The following NCOA1 variants were observed in gnomAD, a reference collection of about 807,000 sequenced individuals.
The protein encoded by NCOA1 is nuclear receptor coactivator 1.
In NCOA1, 35 loss-of-function variants were observed where a neutral mutation model predicts 150.9. The ratio of observed to expected loss-of-function variants is 0.23; its 90% CI spans 0.18 to 0.31. The LOEUF (loss-of-function observed/expected upper bound fraction) is 0.31, where lower values mean the gene tolerates loss of function less well. Among genes scored for constraint, NCOA1 ranks in the 10% least tolerant of loss-of-function variants. The pLI is 1.00. For missense variants in NCOA1, 1,491 were observed against 1,749.3 expected (o/e 0.85, Z 2.63); for synonymous variants, 590 against 630.0 (o/e 0.94, Z 0.95).
At chr2:24,655,514 A>G (rs1271947676) in intron 4 of NCOA1, among the ~76,000 whole-genome samples, 3 of 152,206 alleles carry the variant, frequency 2.0e-5, no homozygotes, top group Non-Finnish European at 1.5e-5. Flanking sequence ...AGGTGAGAGC[A>G]GATGCAAACT....
At chr2:24,577,764 T>C (rs2148299255) in intron 2 of NCOA1, among the ~76,000 whole-genome samples, 1 of 152,352 alleles carries the variant, frequency 6.6e-6, no homozygotes, top group South Asian at 2.1e-4. Context: ...TTCTATGATC[T>C]GTTTTGAGAG....
chr2:24,769,246 G>A lies in NCOA1; in HGVS notation c.*855G>A, dbSNP rs1298322481. 1 of 189,328 alleles carries A rather than the reference G, an allele frequency of 5.3e-6. No homozygotes were observed. Among genetic ancestry groups the A allele is most frequent in the Non-Finnish European group, 1.1e-5 (1 of 89,874 alleles). The allele number at this position is 189,328 out of a possible 1,614,324, so 11.7% of individuals were successfully genotyped here. On this transcript the variant is annotated 3_prime_UTR_variant, in exon 23 of 23. Transcript: ENST00000348332. ...AAATAAAATTAAATTTATGATCCAA[G>A]TAGCTTATTTTTCCCTTTAAATCTC...
At chr2:24,680,567 G>A (rs560818559) in intron 7 of NCOA1, among the ~76,000 whole-genome samples, 3 of 152,258 alleles carry the variant, frequency 2.0e-5, no homozygotes, top group South Asian at 2.1e-4. Flanking sequence ...CAGGGGCTGC[G>A]TGAAGGGTTG....
chr2:24,707,583 TTGTC>T lies in NCOA1; in HGVS notation c.2118_2121del (p.Val707SerfsTer14). ...GGGTAGCCCCTCAGATATCACCACT[TTGTC>T]TGTCGAGCCTGATAAAAAGGACAGT... On this transcript the variant is annotated frameshift_variant, in exon 13 of 23. Coordinates refer to ENST00000348332, the MANE Select transcript of NCOA1 (RefSeq NM_003743.5). LOFTEE classifies it high-confidence loss of function. The T allele has an allele frequency of 6.2e-7, 1 of 1,614,182 alleles. No individual in the cohort carries two copies. The highest frequency in any genetic ancestry group is 8.5e-7 in the Non-Finnish European group (1 of 1,180,028).
intron 1 of NCOA1, among the ~76,000 whole-genome samples, chr2:24,541,209 A>G (rs1474245488): frequency 6.6e-6 from 1 of 152,222 alleles, no homozygotes; most frequent in African/African-American, 2.4e-5. Flanking sequence ...GAATGAATAT[A>G]CTGTGAGACA....
intron 17 of NCOA1, among the ~76,000 whole-genome samples, chr2:24,735,549 T>G (rs969825795): frequency 1.3e-5 from 2 of 152,046 alleles, no homozygotes; most frequent in East Asian, 3.8e-4. Context: ...TAAATAGATA[T>G]CATTTATTGG....
chr2:24,640,603 C>T (rs148488709), intron 3 of NCOA1, among the ~76,000 whole-genome samples: 1 of 152,094 alleles, frequency 6.6e-6, no homozygotes. Flanking sequence ...AGCCTGGGAG[C>T]TCAAGACCAG....
chr2:24,726,102 A>G (rs369005629), intron 14 of NCOA1, among the ~76,000 whole-genome samples: 11 of 152,112 alleles, frequency 7.2e-5, no homozygotes, highest in Non-Finnish European at 1.3e-4. Context: ...TTGTACAGCT[A>G]TATTCTAAGA....
intron 4 of NCOA1, among the ~76,000 whole-genome samples, chr2:24,655,905 G>A (rs1326222190): frequency 6.6e-6 from 1 of 151,876 alleles, no homozygotes; most frequent in Non-Finnish European, 1.5e-5. Context: ...TGGCTAACAT[G>A]GTGAAACCCC....
intron 14 of NCOA1, among the ~76,000 whole-genome samples, chr2:24,717,626 T>C (rs752490966): frequency 2.0e-5 from 3 of 151,872 alleles, no homozygotes; most frequent in Non-Finnish European, 4.4e-5. Context: ...ATATAAATCA[T>C]GTGTATGCAA....
chr2:24,667,287 A>G (rs1249084758), intron 6 of NCOA1, among the ~76,000 whole-genome samples: 2 of 151,982 alleles, frequency 1.3e-5, no homozygotes, highest in Admixed American at 6.5e-5. Flanking sequence ...CCTACTCCCT[A>G]AATTGGGGGT....
At chr2:24,605,391 GTTT>G in intron 3 of NCOA1, among the ~76,000 whole-genome samples, 1 of 152,228 alleles carries the variant, frequency 6.6e-6, no homozygotes, top group East Asian at 1.9e-4. Flanking sequence ...TACCTCTTAA[GTTT>G]TTAAAAATTT....
At chr2:24,590,101 A>G (rs986108779) in intron 3 of NCOA1, among the ~76,000 whole-genome samples, 1 of 152,218 alleles carries the variant, frequency 6.6e-6, no homozygotes, top group Non-Finnish European at 1.5e-5. Flanking sequence ...TGGGAAAACC[A>G]GACTTTCAAA....
chr2:24,546,459 T>C (rs1665609318), intron 1 of NCOA1, among the ~76,000 whole-genome samples: 1 of 152,260 alleles, frequency 6.6e-6, no homozygotes, highest in Admixed American at 6.5e-5. Flanking sequence ...TCTAAAATTT[T>C]CTAAAATTAT....
intron 1 of NCOA1, among the ~76,000 whole-genome samples, chr2:24,523,888 G>A (rs1319294906): frequency 1.6e-5 from 2 of 124,890 alleles, no homozygotes; most frequent in Non-Finnish European, 3.2e-5. Flanking sequence ...ATCGTGCCAC[G>A]GCACTCCAGC....
intron 22 of NCOA1, among the ~76,000 whole-genome samples, chr2:24,766,103 T>G (rs1665051804): frequency 6.6e-6 from 1 of 151,990 alleles, no homozygotes; most frequent in Admixed American, 6.6e-5. Flanking sequence ...TCTCACTATG[T>G]TGCCCAGGCT....
intron 1 of NCOA1, among the ~76,000 whole-genome samples, chr2:24,560,321 T>C (rs1005403339): frequency 6.6e-6 from 1 of 152,020 alleles, no homozygotes; most frequent in Non-Finnish European, 1.5e-5. Flanking sequence ...CTTGGAGGAG[T>C]TATCCCTCCA....
At chr2:24,554,412 G>A (rs778930794) in intron 1 of NCOA1, 12 of 152,190 alleles carry the variant, frequency 7.9e-5, no homozygotes, top group Middle Eastern at 3.4e-3. Flanking sequence ...ATAGGCAAGA[G>A]AAAGAGAAAG....
chr2:24,765,427 A>T (rs1214248555), intron 22 of NCOA1, among the ~76,000 whole-genome samples: 1 of 151,434 alleles, frequency 6.6e-6, no homozygotes, highest in East Asian at 1.9e-4. Context: ...TGAACCTGGG[A>T]GGCGGAGCTG....
Sources: allele counts gnomAD v4.1 joint callset (sites outside exome capture counted in the v4.1 genomes callset), GRCh38; gene constraint gnomAD v4.1.1; transcripts MANE v1.5; gene names NCBI Gene and HGNC (gene_info 2026-07-23, HGNC 2026-07-21).